Variants in CTTN observed in about 807,000 individuals in gnomAD.
CTTN encodes the protein cortactin, also known as src substrate cortactin.
A neutral mutation model predicts 84.0 loss-of-function variants in CTTN; 28 were observed. That is an observed-to-expected ratio of 0.33 (90% CI 0.25 to 0.46). The LOEUF is 0.46. Among genes scored for constraint, CTTN ranks in the 20% least tolerant of loss-of-function variants. The pLI is 1.00. For synonymous variants in CTTN, 301 were observed against 288.8 expected, an observed-to-expected ratio of 1.04 and a Z score of -0.43; for missense variants, 641 against 723.8, an observed-to-expected ratio of 0.89 and a Z score of 1.31.
chr11:70,421,437 T>C (rs772359087), intron 10 of CTTN, 33 bp from the exon 11 acceptor site: 1 of 1,460,800 alleles, frequency 6.8e-7, no homozygotes, highest in African/African-American at 1.4e-5. Context: ...CCTCTTTTGG[T>C]TGTTTTCCCC....
In CTTN at chr11:70,407,503, C is replaced by A; in HGVS notation, c.88-15C>A. The A allele has an allele frequency of 6.2e-7, 1 of 1,613,864 alleles. No homozygotes were observed. The highest frequency in any genetic ancestry group is 1.1e-5 in the South Asian group (1 of 91,022). ...AATCCAGGCTGTGAGATTTACTGGTCGCTTTTCTTTTCAGAATGATGTGAG... is the reference window on the plus strand; with the variant it reads ...AATCCAGGCTGTGAGATTTACTGGTAGCTTTTCTTTTCAGAATGATGTGAG... On this transcript the variant is annotated splice_polypyrimidine_tract_variant and intron_variant, in intron 3 of 17. Transcript: ENST00000301843.
chr11:70,401,156 G>A (rs2057974296), intron 1 of CTTN, among the ~76,000 whole-genome samples: 1 of 151,964 alleles, frequency 6.6e-6, no homozygotes, highest in South Asian at 2.1e-4. Flanking sequence ...GGCAACATGG[G>A]GAAACCCCAT....
intron 6 of CTTN, among the ~76,000 whole-genome samples, chr11:70,415,102 G>A (rs1250454638): frequency 1.3e-5 from 2 of 152,130 alleles, no homozygotes; most frequent in African/African-American, 2.4e-5. Flanking sequence ...GGGTCTGTTG[G>A]CTCTTTTGTT....
chr11:70,423,551 G>A (rs1456683546), intron 12 of CTTN, among the ~76,000 whole-genome samples: 1 of 152,260 alleles, frequency 6.6e-6, no homozygotes, highest in Non-Finnish European at 1.5e-5. Flanking sequence ...GGCAGGCAGA[G>A]CAGGTGTTCG....
Position 70,407,582 on chromosome 11 carries a change from A to G in CTTN, c.152A>G (p.Glu51Gly). The G allele has an allele frequency of 6.2e-7, 1 of 1,613,524 alleles. No individual in the cohort carries two copies. The highest frequency in any genetic ancestry group is 1.1e-5 in the South Asian group (1 of 91,072). The part of the protein sequence containing the change: ...AKTVQGSGHQ[E>G]HINIHKLREN... The stretch of plus-strand genomic sequence containing the variant: ...ACGGTGCAGGGCTCCGGGCACCAGG[A>G]GCATATCAAGTAAGAGGCGTCGCCA... The change falls in exon 4 of 18, where the codon GAG becomes GGG. Residue 51 changes from glutamate (E) to glycine (G), a missense_variant. By Grantham distance (98) the Glu-to-Gly change is moderately conservative. This residue lies in a region of CTTN where 284 missense variants were observed against 348.4 expected (regional missense o/e 0.82). Transcript: ENST00000301843.
chr11:70,420,446 A>T lies in CTTN; in HGVS notation c.726A>T (p.Arg242Ser). 6.2e-7 allele frequency: 1 copy of T among 1,614,254 alleles called. No homozygotes were observed. Reference sequence around the variant, plus strand: ...GAAAATTTGGTGTGCAGACAGACAGACAAGACAAATGTGCCCTTGGCTGGG... The same window carrying T: ...GAAAATTTGGTGTGCAGACAGACAGTCAAGACAAATGTGCCCTTGGCTGGG... Reference protein sequence around the residue: ...FGGKFGVQTDRQDKCALGWDH... With the variant: ...FGGKFGVQTDSQDKCALGWDH... Residue 242 changes from arginine (R) to serine (S), a missense_variant, in exon 10 of 18, where the codon AGA becomes AGT. Coordinates refer to ENST00000301843, the MANE Select transcript of CTTN (RefSeq NM_005231.4).
intron 5 of CTTN, chr11:70,410,293 G>A: frequency 4.2e-6 from 1 of 238,430 alleles, no homozygotes; most frequent in Non-Finnish European, 8.4e-6. Flanking sequence ...AATGCCTGTG[G>A]TTCCAGTCTG....
At chr11:70,407,977 C>T (rs1366836080) in intron 4 of CTTN, 2 of 189,216 alleles carry the variant, frequency 1.1e-5, no homozygotes, top group African/African-American at 4.7e-5. Flanking sequence ...CCTTAAATGC[C>T]CTGTCCCTTT....
intron 4 of CTTN, among the ~76,000 whole-genome samples, chr11:70,409,436 C>G (rs192166317): frequency 1.1e-4 from 16 of 152,344 alleles, no homozygotes; most frequent in African/African-American, 3.8e-4. Context: ...CACTGGACTT[C>G]TGCCAGTGGC....
intron 4 of CTTN, chr11:70,408,074 T>C (rs1185444401): frequency 6.5e-6 from 1 of 153,752 alleles, no homozygotes; most frequent in Non-Finnish European, 1.4e-5. Flanking sequence ...GGGCACTGAG[T>C]GAACCCTGTC....
chr11:70,433,865 G>A (rs1488377834), intron 17 of CTTN, 147 bp downstream of exon 17: 3 of 647,210 alleles, frequency 4.6e-6, no homozygotes, highest in Admixed American at 4.5e-5. Context: ...AAAGTTGCAG[G>A]TATAGTGCCA....
At chr11:70,423,033 T>A in intron 12 of CTTN, 38 bp downstream of exon 12, 1 of 1,612,490 alleles carries the variant, frequency 6.2e-7, no homozygotes. Context: ...GTCTTCTGCC[T>A]GCAGGGGCTC....
At chr11:70,426,897 G>A (rs886949202) in intron 13 of CTTN, among the ~76,000 whole-genome samples, 7 of 151,648 alleles carry the variant, frequency 4.6e-5, no homozygotes, top group Non-Finnish European at 8.8e-5. Context: ...ACTGTGCCCG[G>A]CCAAATTTTT....
chr11:70,431,217 G>C lies in CTTN; in HGVS notation c.1203G>C (p.Thr401=). ...LEEQARAKTQ[T]PPVSPAPQPT... ...AGCAAGCCAGAGCCAAAACGCAAAC[G>C]CCCCCTGTGTCGCCCGCACCTCAGC... is the stretch of plus-strand genomic sequence containing the variant. Residue 401 remains threonine, a synonymous_variant, in exon 15 of 18, where the codon ACG becomes ACC. Coordinates refer to ENST00000301843, the MANE Select transcript of CTTN (RefSeq NM_005231.4). The C allele has an allele frequency of 1.2e-6, 2 of 1,614,158 alleles. No individual in the cohort carries two copies. Among genetic ancestry groups the C allele is most frequent in the Non-Finnish European group, 1.7e-6 (2 of 1,180,030 alleles).
intron 9 of CTTN, 105 bp downstream of exon 9, chr11:70,419,961 A>G (rs1428341403): frequency 2.5e-6 from 2 of 811,686 alleles, no homozygotes; most frequent in Non-Finnish European, 4.0e-6. Context: ...CCCTTAACGT[A>G]GATGTCTCTT....
chr11:70,412,402 G>A (rs962274871), intron 5 of CTTN, among the ~76,000 whole-genome samples: 8 of 152,074 alleles, frequency 5.3e-5, no homozygotes, highest in South Asian at 4.1e-4. Context: ...CAGCCTGGGC[G>A]ACAGAGAGAG....
chr11:70,431,845 G>A (rs911209217), intron 15 of CTTN, among the ~76,000 whole-genome samples: 4 of 152,040 alleles, frequency 2.6e-5, no homozygotes, highest in African/African-American at 9.7e-5. Context: ...GCCGCCTGCC[G>A]ATGCCCCGCC....
At chr11:70,414,380 C>T (rs946146167) in intron 5 of CTTN, among the ~76,000 whole-genome samples, 162 bp from the exon 6 acceptor site, 13 of 151,766 alleles carry the variant, frequency 8.6e-5, no homozygotes, top group African/African-American at 2.9e-4. Flanking sequence ...ACCCGGGCCT[C>T]CCAGGAGTCG....
At position 70,436,199 on chromosome 11, in the gene CTTN, A is replaced by C; in HGVS notation, c.*1037A>C. ...GTTGAAGGCTAGAAGTGTGAAGTGC[A>C]GATGAGTGTGTGTTCTTCCCCAAGG... On this transcript the variant is annotated 3_prime_UTR_variant, in exon 18 of 18. Transcript: ENST00000301843. The C allele has an allele frequency of 6.4e-7, 1 of 1,550,988 alleles. No individual in the cohort carries two copies. Among genetic ancestry groups the C allele is most frequent in the Non-Finnish European group, 8.6e-7 (1 of 1,156,892 alleles).
Sources: gnomAD v4.1 joint callset for allele counts (sites outside exome capture counted in the v4.1 genomes callset) on GRCh38, gnomAD v4.1.1 for gene constraint, gnomAD v4.1.1 regional missense constraint, MANE v1.5 for transcripts, NCBI Gene and HGNC (gene_info 2026-07-23, HGNC 2026-07-21) for gene names.